Variants in NEK11 observed in about 807,000 individuals in gnomAD.
NEK11 encodes the protein serine/threonine-protein kinase Nek11.
Under a neutral mutation model 80.7 loss-of-function variants are expected in NEK11, and 72 were observed. That is an observed-to-expected ratio of 0.89 (90% confidence interval 0.74 to 1.08). The LOEUF (loss-of-function observed/expected upper bound fraction) is 1.08. Among genes scored for constraint, NEK11 ranks in the 50% least tolerant of loss-of-function variants. The pLI is 0.00. For synonymous variants in NEK11, 251 were observed against 260.7 expected, an observed-to-expected ratio of 0.96 and a Z score of 0.36; for missense variants, 764 against 763.6, an observed-to-expected ratio of 1.00 and a Z score of -0.01.
In NEK11 at chr3:131,074,551, T is replaced by G. The variant is rs138194493; in HGVS notation, c.171-5872T>G. The stretch of plus-strand genomic sequence containing the variant: ...TATATAATATAATGTATAAAGTCAT[T>G]TTTTAAAAGAGTCATATGCTGATTA... On this transcript the variant is annotated intron_variant, in intron 3 of 17. Coordinates refer to ENST00000383366, the MANE Select transcript of NEK11 (RefSeq NM_024800.5). 2.4e-3 allele frequency among the ~76,000 whole-genome samples: 359 copies of G among 152,264 alleles called. 1 individual carries two copies. Among genetic ancestry groups the G allele is most frequent in the African/African-American group, 8.1e-3 (338 of 41,556 alleles).
chr3:131,195,793 A>AATATATATAT (rs58272752), intron 14 of NEK11, among the ~76,000 whole-genome samples: 5,801 of 133,620 alleles, frequency 0.043, 197 homozygotes, highest in African/African-American at 0.085. Flanking sequence ...TATATTTCAG[A>AATATATATAT]ATATATATAT....
chr3:131,073,152 G>A (rs933326557), intron 3 of NEK11, among the ~76,000 whole-genome samples: 1 of 152,264 alleles, frequency 6.6e-6, no homozygotes, highest in South Asian at 2.1e-4. Context: ...GGGAGCACCA[G>A]CACTATTTCC....
At chr3:131,095,422 A>T (rs1002162062) in intron 4 of NEK11, among the ~76,000 whole-genome samples, 4 of 152,160 alleles carry the variant, frequency 2.6e-5, no homozygotes, top group African/African-American at 9.6e-5. Context: ...AAAGTAAAAC[A>T]ATTAACTGTC....
At chr3:131,228,732 A>G in intron 15 of NEK11, 44 bp downstream of exon 15, 1 of 1,550,878 alleles carries the variant, frequency 6.4e-7, no homozygotes, top group Non-Finnish European at 8.7e-7. Context: ...TGTTCAAGGT[A>G]CTGATTGGAC....
intron 7 of NEK11, among the ~76,000 whole-genome samples, chr3:131,142,100 A>C (rs2087039956): frequency 1.3e-5 from 2 of 152,344 alleles, no homozygotes; most frequent in South Asian, 2.1e-4. Flanking sequence ...TCCAGGACAC[A>C]GGTTATGCTC....
intron 14 of NEK11, among the ~76,000 whole-genome samples, chr3:131,222,104 T>C (rs374284818): frequency 1.5e-4 from 23 of 152,252 alleles, no homozygotes; most frequent in African/African-American, 4.1e-4. Context: ...TTGTCTAATA[T>C]CTTTCAGAGC....
intron 13 of NEK11, among the ~76,000 whole-genome samples, chr3:131,170,490 A>C (rs2092613498): frequency 6.6e-6 from 1 of 152,164 alleles, no homozygotes; most frequent in African/African-American, 2.4e-5. Flanking sequence ...CAATGGAGTG[A>C]GTACCTTCAA....
intron 15 of NEK11, among the ~76,000 whole-genome samples, chr3:131,241,096 AATAG>A (rs1229604591): frequency 6.6e-6 from 1 of 152,176 alleles, no homozygotes; most frequent in African/African-American, 2.4e-5. Flanking sequence ...AGCATATTTT[AATAG>A]ATAGGAGAAT....
At chr3:131,064,148 G>A (rs1400317583) in intron 3 of NEK11, among the ~76,000 whole-genome samples, 1 of 152,166 alleles carries the variant, frequency 6.6e-6, no homozygotes, top group African/African-American at 2.4e-5. Flanking sequence ...AAGAAAAGTG[G>A]TTGCCAGGGG....
At chr3:131,274,326 T>C (rs1010006827) in intron 17 of NEK11, among the ~76,000 whole-genome samples, 49 of 146,774 alleles carry the variant, frequency 3.3e-4, no homozygotes, top group Admixed American at 1.6e-3. Context: ...CCATGGTGTA[T>C]ATGTGCCACA....
chr3:131,036,760 C>CT (rs1461419068), intron 3 of NEK11, among the ~76,000 whole-genome samples: 1 of 152,130 alleles, frequency 6.6e-6, no homozygotes, highest in African/African-American at 2.4e-5. Flanking sequence ...TTTAGCAGGT[C>CT]TGGTAGGAGG....
chr3:131,103,481 G>A (rs1489558918), intron 4 of NEK11, among the ~76,000 whole-genome samples: 3 of 152,152 alleles, frequency 2.0e-5, no homozygotes, highest in African/African-American at 7.2e-5. Context: ...AGTAGATGAA[G>A]CTTAAGCGTA....
At chr3:131,028,863 C>T (rs1305482412) in intron 2 of NEK11, among the ~76,000 whole-genome samples, 4 of 152,212 alleles carry the variant, frequency 2.6e-5, no homozygotes, top group Non-Finnish European at 5.9e-5. Context: ...CTAAACAGTC[C>T]TGCCTTTCAT....
chr3:131,107,106 C>A (rs2079299710), intron 4 of NEK11, among the ~76,000 whole-genome samples: 1 of 151,910 alleles, frequency 6.6e-6, no homozygotes, highest in Non-Finnish European at 1.5e-5. Context: ...TGTCCCATTG[C>A]TTTTGTGGTA....
At chr3:131,059,786 A>C (rs1309999096) in intron 3 of NEK11, among the ~76,000 whole-genome samples, 1 of 152,182 alleles carries the variant, frequency 6.6e-6, no homozygotes, top group Non-Finnish European at 1.5e-5. Context: ...ATTGACAGAC[A>C]CATAGAGGGT....
intron 5 of NEK11, among the ~76,000 whole-genome samples, chr3:131,115,902 T>TTTTCTTTTC (rs2080946924): frequency 2.9e-5 from 2 of 70,170 alleles, no homozygotes; most frequent in Non-Finnish European, 5.8e-5. Flanking sequence ...AAAGGTAGTG[T>TTTTCTTTTC]TTTCTTTCTT....
chr3:131,129,216 A>G (rs1248324948), intron 5 of NEK11, among the ~76,000 whole-genome samples: 3 of 151,782 alleles, frequency 2.0e-5, no homozygotes, highest in Non-Finnish European at 2.9e-5. Flanking sequence ...AGGCCTGGCT[A>G]ATTTTATTTT....
At chr3:131,050,713 G>A (rs1196885193) in intron 3 of NEK11, among the ~76,000 whole-genome samples, 2 of 152,086 alleles carry the variant, frequency 1.3e-5, no homozygotes, top group Non-Finnish European at 2.9e-5. Context: ...TATATAGAAA[G>A]CATTTTAGTA....
At chr3:131,193,376 C>CA (rs2093877472) in intron 14 of NEK11, among the ~76,000 whole-genome samples, 1 of 152,136 alleles carries the variant, frequency 6.6e-6, no homozygotes, top group African/African-American at 2.4e-5. Context: ...TCCTGAGTCT[C>CA]AGAGACTTCC....
Sources: allele counts gnomAD v4.1 joint callset (sites outside exome capture counted in the v4.1 genomes callset), GRCh38; gene constraint gnomAD v4.1.1; transcripts MANE v1.5; gene names NCBI Gene and HGNC (gene_info 2026-07-23, HGNC 2026-07-21).